ZNF37A: variants seen among roughly 807,000 people sequenced by gnomAD.
The protein encoded by ZNF37A is zinc finger protein 37A, also known as zinc finger protein 37a (KOX 21).
Under a neutral mutation model 12.3 loss-of-function variants are expected in ZNF37A, and 10 were observed. That is an observed-to-expected ratio of 0.82 (90% CI 0.50 to 1.38). The LOEUF (loss-of-function observed/expected upper bound fraction) is 1.38, where lower values mean the gene tolerates loss of function less well. ZNF37A is among the 40% of genes most tolerant of loss of function. The pLI is 0.00. For synonymous variants in ZNF37A, 207 were observed against 223.0 expected, an observed-to-expected ratio of 0.93 and a Z score of 0.64; for missense variants, 580 against 651.2, an observed-to-expected ratio of 0.89 and a Z score of 1.19.
At chr10:38,112,729 CATTTT>C (rs2068797576) in intron 5 of ZNF37A, among the ~76,000 whole-genome samples, 2 of 73,846 alleles carry the variant, frequency 2.7e-5, no homozygotes, top group Non-Finnish European at 5.5e-5. Flanking sequence ...ATTTTACATC[CATTTT>C]CTTTTCTTTT....
At chr10:38,109,944 C>A (rs966286595) in intron 5 of ZNF37A, among the ~76,000 whole-genome samples, 1 of 152,128 alleles carries the variant, frequency 6.6e-6, no homozygotes, top group African/African-American at 2.4e-5. Flanking sequence ...TTCAAGCTAT[C>A]CCCATCAAGT....
At position 38,117,720 on chromosome 10, in the gene ZNF37A, C is replaced by T. The variant is rs777181382; in HGVS notation, c.569C>T (p.Thr190Ile). 1 of 1,613,770 alleles carries T rather than the reference C, an allele frequency of 6.2e-7. No individual in the cohort carries two copies. Among genetic ancestry groups the T allele is most frequent in the African/African-American group, 1.3e-5 (1 of 74,884 alleles). Residue 190 changes from threonine to isoleucine, a missense_variant, in exon 8 of 8, where the codon ACT (threonine) becomes ATT (isoleucine). Thr to Ile is a moderately conservative substitution (Grantham distance 89, BLOSUM62 -1). Coordinates refer to ENST00000685332, the MANE Select transcript of ZNF37A (RefSeq NM_001324250.3). ...GKTCDMSFFITHQQTHPRENH... is the reference protein window; with the variant it reads ...GKTCDMSFFIIHQQTHPRENH... ...ACCTGTGATATGTCATTTTTCATCACTCATCAGCAAACACATCCAAGAGAA... is the reference window on the plus strand; with the variant it reads ...ACCTGTGATATGTCATTTTTCATCATTCATCAGCAAACACATCCAAGAGAA...
At chr10:38,115,924 C>G (rs2069238749) in intron 7 of ZNF37A, among the ~76,000 whole-genome samples, 1 of 151,742 alleles carries the variant, frequency 6.6e-6, no homozygotes, top group African/African-American at 2.4e-5. Flanking sequence ...TGGCACACAC[C>G]TGTGGTCCCA....
In ZNF37A at chr10:38,096,594, C is replaced by G. The variant is rs1590775326; in HGVS notation, c.-24C>G. 6.2e-7 allele frequency: 1 copy of G among 1,611,290 alleles called. No homozygotes were observed. The highest frequency in any genetic ancestry group is 1.3e-5 in the African/African-American group (1 of 74,938). ...CTCAGCTACACCCTCACAGTTTGCT[C>G]TGCTCTTCCAACACCAGTGGAAGAT... On this transcript the variant is annotated 5_prime_UTR_variant, in exon 5 of 8. Transcript: ENST00000685332.
At chr10:38,100,153 A>G (rs1156664105) in intron 5 of ZNF37A, among the ~76,000 whole-genome samples, 1 of 152,210 alleles carries the variant, frequency 6.6e-6, no homozygotes. Flanking sequence ...GTATGCGAAT[A>G]GGTGTGGGTC....
intron 5 of ZNF37A, among the ~76,000 whole-genome samples, chr10:38,099,271 T>C (rs1282316155): frequency 6.6e-6 from 1 of 152,208 alleles, no homozygotes; most frequent in Non-Finnish European, 1.5e-5. Context: ...TATTAAACAG[T>C]AACTCCCCAT....
intron 5 of ZNF37A, among the ~76,000 whole-genome samples, chr10:38,105,446 A>G (rs2067986406): frequency 6.6e-6 from 1 of 152,240 alleles, no homozygotes. Flanking sequence ...TTTAGAAGTT[A>G]AAAGGGGCCA....
In ZNF37A at chr10:38,117,393, T is replaced by G; in HGVS notation, c.242T>G (p.Leu81Ter). The G allele has an allele frequency of 1.3e-6, 2 of 1,553,402 alleles. No homozygotes were observed. Among genetic ancestry groups the G allele is most frequent in the Non-Finnish European group, 1.7e-6 (2 of 1,156,734 alleles). Reference protein sequence around the residue: ...EKFPSQSHLELINTSRNYSIM... With the variant: ...EKFPSQSHLE ...TTCTTTTCACTCTGTATTTCAGAAT[T>G]AATTAATACCAGTAGAAACTATTCA... Residue 81 changes from leucine (L) to a stop codon, truncating the protein, a stop_gained, in exon 8 of 8, where the codon TTA becomes TGA. Coordinates refer to ENST00000685332, the MANE Select transcript of ZNF37A (RefSeq NM_001324250.3). LOFTEE classifies it low-confidence loss of function (END_TRUNC).
chr10:38,133,655 T>C (rs1424617586), intron 7 of ZNF37A, among the ~76,000 whole-genome samples: 1 of 151,674 alleles, frequency 6.6e-6, no homozygotes, highest in Non-Finnish European at 1.5e-5. Context: ...TCATCCTTTT[T>C]TATGGCTGCA....
At chr10:38,103,587 A>C (rs1351088643) in intron 5 of ZNF37A, among the ~76,000 whole-genome samples, 2 of 152,074 alleles carry the variant, frequency 1.3e-5, no homozygotes, top group Non-Finnish European at 2.9e-5. Flanking sequence ...TCTGTGGGTC[A>C]TATTATCTTC....
At chr10:38,127,062 C>T (rs1353424637), downstream of ZNF37A, among the ~76,000 whole-genome samples, 1 of 152,164 alleles carries the variant, frequency 6.6e-6, no homozygotes, top group Non-Finnish European at 1.5e-5. Context: ...AAAAAGTAAA[C>T]ATTTTTGCTC....
intron 5 of ZNF37A, among the ~76,000 whole-genome samples, chr10:38,099,781 G>A (rs1215994790): frequency 2.0e-5 from 3 of 152,098 alleles, no homozygotes; most frequent in Non-Finnish European, 2.9e-5. Context: ...GCCAACACTC[G>A]TTATTTTCTT....
chr10:38,096,452 C>T (rs1031301706), intron 4 of ZNF37A, 122 bp from the exon 5 acceptor site: 1 of 656,620 alleles, frequency 1.5e-6, no homozygotes, highest in Non-Finnish European at 2.6e-6. Flanking sequence ...CCAAGCAGTA[C>T]ATAATCATGC....
downstream of ZNF37A, among the ~76,000 whole-genome samples, chr10:38,128,105 G>A (rs1411525494): frequency 6.6e-6 from 1 of 152,136 alleles, no homozygotes; most frequent in Admixed American, 6.5e-5. Context: ...GAAATTTGCT[G>A]TTGGAAACAA....
Position 38,117,815 on chromosome 10 carries a change from T to G in ZNF37A, c.664T>G (p.Tyr222Asp). Residue 222 changes from tyrosine (Y) to aspartate (D), a missense_variant, in exon 8 of 8, where the codon TAC becomes GAC. By Grantham distance (160) the Tyr-to-Asp change is radical. Coordinates refer to ENST00000685332, the MANE Select transcript of ZNF37A (RefSeq NM_001324250.3). ...CATTCTCCTTGAACATCAGAGTGTTTACCCATTCAGCCAGAAGTTAAATCT... is the reference window on the plus strand; with the variant it reads ...CATTCTCCTTGAACATCAGAGTGTTGACCCATTCAGCCAGAAGTTAAATCT... ...ESILLEHQSV[Y>D]PFSQKLNLTP... The G allele has an allele frequency of 6.2e-7, 1 of 1,614,036 alleles. No individual in the cohort carries two copies. The highest frequency in any genetic ancestry group is 8.5e-7 in the Non-Finnish European group (1 of 1,179,988).
Position 38,095,011 on chromosome 10 carries a change from C to T in ZNF37A, c.-411C>T, listed in dbSNP as rs940343722. On this transcript the variant is annotated 5_prime_UTR_variant, in exon 2 of 8. Transcript: ENST00000685332. ...TGGATTGGGGAATTTCTTGTTTCCA[C>T]TGACCTGTGAGGCCGCGCACGCGGA... 2 of 152,640 alleles carry T rather than the reference C, an allele frequency of 1.3e-5. No homozygotes were observed. The highest frequency in any genetic ancestry group is 1.9e-4 in the East Asian group (1 of 5,180). The allele number at this position is 152,640 out of a possible 1,614,324, so 9.5% of individuals were successfully genotyped here.
At position 38,121,491 on chromosome 10, in the gene ZNF37A, G is replaced by C. The variant is rs557234894; in HGVS notation, c.*2654G>C. ...GCCTCGTGGGATGAGAGGAGTTGTG[G>C]CTTTGTGTCTGCTGGCACCAAGAGG... On this transcript the variant is annotated 3_prime_UTR_variant, in exon 8 of 8. Transcript: ENST00000685332. 2.0e-5 allele frequency: 3 copies of C among 152,460 alleles called. No homozygotes were observed. Among genetic ancestry groups the C allele is most frequent in the Non-Finnish European group, 4.4e-5 (3 of 68,096 alleles). The allele number at this position is 152,460 out of a possible 1,614,324, so 9.4% of individuals were successfully genotyped here.
At chr10:38,103,006 C>A (rs938447868) in intron 5 of ZNF37A, among the ~76,000 whole-genome samples, 2 of 152,082 alleles carry the variant, frequency 1.3e-5, no homozygotes, top group African/African-American at 4.8e-5. Context: ...TTTATTATTT[C>A]TCTCAGTTTG....
rs775869737 is a variant in ZNF37A at position 38,118,297 on chromosome 10, C to T, written c.1146C>T (p.Pro382=). Residue 382 remains proline, a synonymous_variant, in exon 8 of 8, where the codon CCC becomes CCT. Coordinates refer to ENST00000685332, the MANE Select transcript of ZNF37A (RefSeq NM_001324250.3). The part of the protein sequence containing the change: ...VHQKTHTGEK[P]YECYACGKAF... ...AGAAAACACACACAGGGGAGAAGCC[C>T]TATGAATGCTATGCATGTGGGAAAG... 6 of 1,612,796 alleles carry T rather than the reference C, an allele frequency of 3.7e-6. No homozygotes were observed. The highest frequency in any genetic ancestry group is 1.7e-4 in the Middle Eastern group (1 of 6,052).
Sources: gnomAD v4.1 joint callset for allele counts (sites outside exome capture counted in the v4.1 genomes callset) on GRCh38, gnomAD v4.1.1 for gene constraint, MANE v1.5 for transcripts, NCBI Gene and HGNC (gene_info 2026-07-23, HGNC 2026-07-21) for gene names.